Variants in RALYL observed in about 807,000 individuals in gnomAD.
RALYL encodes the protein RNA-binding Raly-like protein.
In RALYL, 29 loss-of-function variants were observed where a neutral mutation model predicts 35.1. That is an observed-to-expected ratio of 0.83 (90% CI 0.61 to 1.13). The LOEUF (loss-of-function observed/expected upper bound fraction) is 1.13, where lower values mean the gene tolerates loss of function less well. Among genes scored for constraint, RALYL ranks in the 50% most tolerant of loss-of-function variants. The probability of loss-of-function intolerance (pLI) is 0.00; values close to 1 mark genes in which losing one functional copy is unlikely to be tolerated. For synonymous variants in RALYL, 120 were observed against 127.6 expected (o/e 0.94, Z 0.40); for missense variants, 359 against 360.4 (o/e 1.00, Z 0.03).
chr8:84,479,539 C>G (rs1053333052), intron 1 of RALYL, among the ~76,000 whole-genome samples: 1 of 152,078 alleles, frequency 6.6e-6, no homozygotes, highest in African/African-American at 2.4e-5. Flanking sequence ...ATTTTCAAAT[C>G]ATTTTATTTC....
intron 2 of RALYL, among the ~76,000 whole-genome samples, chr8:84,748,929 C>G (rs1346314427): frequency 1.3e-5 from 2 of 152,084 alleles, no homozygotes; most frequent in Non-Finnish European, 2.9e-5. Flanking sequence ...CTTTCCTTGG[C>G]AACTAAAGTT....
At chr8:84,343,694 A>G (rs1254549222) in intron 1 of RALYL, among the ~76,000 whole-genome samples, 4 of 151,722 alleles carry the variant, frequency 2.6e-5, no homozygotes, top group Non-Finnish European at 5.9e-5. Context: ...CAGTGGTGCA[A>G]TCATGGCTCA....
intron 6 of RALYL, 56 bp downstream of exon 6, chr8:84,862,509 T>A: frequency 1.5e-6 from 2 of 1,331,100 alleles, no homozygotes; most frequent in Middle Eastern, 4.4e-4. Context: ...TTAACTATCA[T>A]TGCACGAATG....
At chr8:84,685,984 G>A (rs1836689073) in intron 2 of RALYL, among the ~76,000 whole-genome samples, 1 of 152,144 alleles carries the variant, frequency 6.6e-6, no homozygotes, top group Non-Finnish European at 1.5e-5. Flanking sequence ...AATGGAGAGA[G>A]CTGGTGCATG....
chr8:84,412,042 C>T (rs2044157358), intron 1 of RALYL, among the ~76,000 whole-genome samples: 1 of 151,848 alleles, frequency 6.6e-6, no homozygotes, highest in South Asian at 2.1e-4. Context: ...TAAGTACTAA[C>T]AATACTAGCT....
At chr8:84,885,978 T>TA (rs1842866668) in intron 7 of RALYL, among the ~76,000 whole-genome samples, 1 of 152,178 alleles carries the variant, frequency 6.6e-6, no homozygotes, top group Non-Finnish European at 1.5e-5. Flanking sequence ...AAGAATGACT[T>TA]AATGTGCTTA....
chr8:84,284,633 C>T (rs570264516), intron 1 of RALYL, among the ~76,000 whole-genome samples: 1 of 152,182 alleles, frequency 6.6e-6, no homozygotes, highest in South Asian at 2.1e-4. Context: ...ATTCATAGAC[C>T]ATTGGCAGTG....
At chr8:84,912,818 A>T (rs1370121962) in intron 8 of RALYL, among the ~76,000 whole-genome samples, 1 of 152,086 alleles carries the variant, frequency 6.6e-6, no homozygotes, top group African/African-American at 2.4e-5. Flanking sequence ...ACCCTCAGGT[A>T]AGTGCAGAAA....
At chr8:84,482,701 T>A (rs1208705508) in intron 1 of RALYL, among the ~76,000 whole-genome samples, 1 of 152,076 alleles carries the variant, frequency 6.6e-6, no homozygotes, top group Non-Finnish European at 1.5e-5. Flanking sequence ...TTTTTAAATT[T>A]CTCTAGGGAG....
At chr8:84,318,011 T>C (rs73306939) in intron 1 of RALYL, among the ~76,000 whole-genome samples, 10,296 of 152,252 alleles carry the variant, frequency 0.068, 454 homozygotes, top group African/African-American at 0.092. Context: ...CACCTTAGTC[T>C]GTTCACATTA....
intron 1 of RALYL, among the ~76,000 whole-genome samples, chr8:84,202,102 A>G (rs938767264): frequency 2.0e-5 from 3 of 152,010 alleles, no homozygotes; most frequent in Non-Finnish European, 4.4e-5. Flanking sequence ...ATTTTGAATA[A>G]TGAGTATTTC....
At chr8:84,237,727 T>A in intron 1 of RALYL, among the ~76,000 whole-genome samples, 1 of 152,304 alleles carries the variant, frequency 6.6e-6, no homozygotes, top group South Asian at 2.1e-4. Context: ...TAAGTCTTTT[T>A]TAATCTGATG....
At chr8:84,744,998 A>G (rs1463323981) in intron 2 of RALYL, among the ~76,000 whole-genome samples, 1 of 151,886 alleles carries the variant, frequency 6.6e-6, no homozygotes, top group Non-Finnish European at 1.5e-5. Flanking sequence ...ACATTAGTTG[A>G]GCACAAAACA....
At chr8:84,445,878 T>C (rs1333596280) in intron 1 of RALYL, among the ~76,000 whole-genome samples, 3 of 151,444 alleles carry the variant, frequency 2.0e-5, no homozygotes, top group Non-Finnish European at 4.4e-5. Context: ...AATGTAATAG[T>C]ATTCTTTTTT....
chr8:84,787,945 A>C (rs974856829), intron 3 of RALYL, among the ~76,000 whole-genome samples: 44 of 152,122 alleles, frequency 2.9e-4, no homozygotes, highest in African/African-American at 1.1e-3. Context: ...TAGATTGCAA[A>C]AATTTTCCCC....
chr8:84,695,369 G>A (rs1031350531), intron 2 of RALYL, among the ~76,000 whole-genome samples: 11 of 151,632 alleles, frequency 7.3e-5, no homozygotes, highest in Middle Eastern at 3.2e-3. Context: ...GATCTCCATG[G>A]AATTAATTCT....
chr8:84,849,209 T>C (rs1278197000), intron 4 of RALYL, among the ~76,000 whole-genome samples: 2 of 152,232 alleles, frequency 1.3e-5, no homozygotes, highest in Non-Finnish European at 2.9e-5. Context: ...ATGCATTTAC[T>C]AATTCATATT....
intron 1 of RALYL, among the ~76,000 whole-genome samples, chr8:84,303,996 T>A (rs1841313652): frequency 6.6e-6 from 1 of 152,184 alleles, no homozygotes; most frequent in South Asian, 2.1e-4. Context: ...ATGGGAACTT[T>A]CCCTTTTTAT....
intron 1 of RALYL, among the ~76,000 whole-genome samples, chr8:84,366,796 A>G (rs1450991351): frequency 2.4e-5 from 3 of 126,646 alleles, no homozygotes; most frequent in Admixed American, 1.6e-4. Context: ...AAAAAAGGGT[A>G]TCCTGGGAGT....
Sources: allele counts gnomAD v4.1 joint callset (sites outside exome capture counted in the v4.1 genomes callset), GRCh38; gene constraint gnomAD v4.1.1; transcripts MANE v1.5; gene names NCBI Gene and HGNC (gene_info 2026-07-23, HGNC 2026-07-21).